Variants in ZSWIM8 observed in about 807,000 individuals in gnomAD.
ZSWIM8 encodes the protein zinc finger SWIM domain-containing protein 8.
Under a neutral mutation model 173.7 loss-of-function variants are expected in ZSWIM8, and 27 were observed. The observed-to-expected ratio is 0.16, with a 90% CI of 0.11 to 0.21. ZSWIM8 has a LOEUF of 0.21. Among genes scored for constraint, ZSWIM8 ranks in the 10% least tolerant of loss-of-function variants. The pLI is 1.00. For missense variants in ZSWIM8, 1,627 were observed against 2,428.8 expected, an observed-to-expected ratio of 0.67 and a Z score of 6.94; for synonymous variants, 958 against 962.0, an observed-to-expected ratio of 1.00 and a Z score of 0.08.
intron 15 of ZSWIM8, chr10:73,796,547 A>G (rs1051830584): frequency 3.9e-5 from 23 of 586,106 alleles, no homozygotes; most frequent in Non-Finnish European, 6.7e-5. Flanking sequence ...ATTGACTATC[A>G]GTATATTCTG....
At position 73,800,704 on chromosome 10, in the gene ZSWIM8, C is replaced by T. The variant is rs759141249; in HGVS notation, c.5067C>T (p.Arg1689=). Reference sequence around the variant, plus strand: ...ACGATCACCCCAACAACTTCTCCCGCTCCCCCCCCTACACTGATGATGTCA... The same window carrying T: ...ACGATCACCCCAACAACTTCTCCCGTTCCCCCCCCTACACTGATGATGTCA... ...AHNDHPNNFS[R]SPPYTDDVKW... The change falls in exon 24 of 26, where the codon CGC becomes CGT. Residue 1689 remains arginine (R), a synonymous_variant. Coordinates refer to ENST00000604729, the MANE Select transcript of ZSWIM8 (RefSeq NM_001367799.1). This position sits in a 1 kb window ranked among gnomAD's most constrained non-coding sequence, Gnocchi z 4.1. 5.0e-6 allele frequency: 8 copies of T among 1,613,662 alleles called. No individual in the cohort carries two copies. The highest frequency in any genetic ancestry group is 1.3e-5 in the African/African-American group (1 of 74,846).
intron 20 of ZSWIM8, among the ~76,000 whole-genome samples, chr10:73,798,687 A>G (rs748078401): frequency 2.6e-5 from 4 of 152,216 alleles, no homozygotes; most frequent in African/African-American, 7.2e-5. Flanking sequence ...ATGGAGGCCT[A>G]CGGTTTAGGG....
chr10:73,791,023 T>C lies in ZSWIM8; in HGVS notation c.990T>C (p.Ala330=), dbSNP rs891566629. 6 of 1,613,550 alleles carry C rather than the reference T, an allele frequency of 3.7e-6. No homozygotes were observed. The highest frequency in any genetic ancestry group is 1.3e-5 in the African/African-American group (1 of 74,938). Reference sequence around the variant, plus strand: ...CTTCCACGGAGCCGCCAGCCGCTGCTGAATGGGCATGTCTGCTGCGCCCTC... The same window carrying C: ...CTTCCACGGAGCCGCCAGCCGCTGCCGAATGGGCATGTCTGCTGCGCCCTC... ...YLSSTEPPAA[A]EWACLLRPLR... is the part of the protein sequence containing the mutation. Residue 330 remains alanine (A), a synonymous_variant, in exon 8 of 26, where the codon GCT becomes GCC. Transcript: ENST00000604729. This position sits in a 1 kb window ranked among gnomAD's most constrained non-coding sequence, Gnocchi z 6.0.
intron 13 of ZSWIM8, 98 bp from the exon 14 acceptor site, chr10:73,794,443 C>T: frequency 1.3e-6 from 2 of 1,546,678 alleles, no homozygotes; most frequent in Non-Finnish European, 1.8e-6. Flanking sequence ...CAGGCAGCTT[C>T]ATGGGTAGGT....
Position 73,790,047 on chromosome 10 carries a change from G to C in ZSWIM8, c.820+10G>C. 6.2e-7 allele frequency: 1 copy of C among 1,610,880 alleles called. No homozygotes were observed. Among genetic ancestry groups the C allele is most frequent in the Non-Finnish European group, 8.5e-7 (1 of 1,178,568 alleles). The stretch of plus-strand genomic sequence containing the variant: ...GTGTGTGGAGCTCCGGGTGAGTGTG[G>C]TGAGAAAGATTGGCAGTAGGAAGAA... On this transcript the variant is annotated intron_variant, in intron 6 of 25. Coordinates refer to ENST00000604729, the MANE Select transcript of ZSWIM8 (RefSeq NM_001367799.1).
In ZSWIM8 at chr10:73,800,449, A is replaced by G; in HGVS notation, c.4979A>G (p.His1660Arg). 1 of 1,613,780 alleles carries G rather than the reference A, an allele frequency of 6.2e-7. No homozygotes were observed. Among genetic ancestry groups the G allele is most frequent in the Non-Finnish European group, 8.5e-7 (1 of 1,179,832 alleles). The change falls in exon 23 of 26, where the codon CAC becomes CGC. Residue 1660 changes from histidine to arginine, a missense_variant. Coordinates refer to ENST00000604729, the MANE Select transcript of ZSWIM8 (RefSeq NM_001367799.1). The surrounding 1 kb of genome is among the most constrained non-coding windows in gnomAD (Gnocchi z 4.1). Reference sequence around the variant, plus strand: ...CCAGTCAATCCCCACAGCCTGCACCACCTGCATGCTGCCTACCGTGTCGGT... The same window carrying G: ...CCAGTCAATCCCCACAGCCTGCACCGCCTGCATGCTGCCTACCGTGTCGGT... ...SQPVNPHSLH[H>R]LHAAYRVGML... is the part of the protein sequence containing the mutation.
chr10:73,789,261 C>G lies in ZSWIM8; in HGVS notation c.457+71C>G. ...CCCTGGCTTATGAAGTAAGAACACA[C>G]CGCAAGAAGCTGGAGCATGTTGTCT... On this transcript the variant is annotated intron_variant, in intron 3 of 25. Transcript: ENST00000604729. The surrounding 1 kb of genome is among the most constrained non-coding windows in gnomAD (Gnocchi z 6.8). 1 of 1,606,352 alleles carries G rather than the reference C, an allele frequency of 6.2e-7. No individual in the cohort carries two copies. Among genetic ancestry groups the G allele is most frequent in the Non-Finnish European group, 8.5e-7 (1 of 1,174,242 alleles).
rs1349403902 is a variant in ZSWIM8 at position 73,797,925 on chromosome 10, A to G, written c.3807A>G (p.Pro1269=). 2 of 1,613,882 alleles carry G rather than the reference A, an allele frequency of 1.2e-6. No homozygotes were observed. The highest frequency in any genetic ancestry group is 2.2e-5 in the East Asian group (1 of 44,870). The part of the protein sequence containing the change: ...GNSSTSIFTH[P]SSSGGHQGPH... ...GCAGCACTTCCATTTTCACACATCCATCTTCCTCAGGGGGCCACCAGGGTC... is the reference window on the plus strand; with the variant it reads ...GCAGCACTTCCATTTTCACACATCCGTCTTCCTCAGGGGGCCACCAGGGTC... Residue 1269 remains proline (P), a synonymous_variant, in exon 19 of 26, where the codon CCA becomes CCG. Transcript: ENST00000604729. This position sits in a 1 kb window ranked among gnomAD's most constrained non-coding sequence, Gnocchi z 5.6.
Position 73,792,035 on chromosome 10 carries a change from G to T in ZSWIM8, c.1496G>T (p.Gly499Val). 2 of 1,548,206 alleles carry T rather than the reference G, an allele frequency of 1.3e-6. No individual in the cohort carries two copies. The highest frequency in any genetic ancestry group is 1.7e-6 in the Non-Finnish European group (2 of 1,144,660). The change falls in exon 10 of 26, where the codon GGC becomes GTC. Residue 499 changes from glycine to valine, a missense_variant. Around this residue, in one of 18 missense-constraint regions of ZSWIM8, gnomAD observed 383 missense variants for 394.8 expected, o/e 0.97. Transcript: ENST00000604729. This position sits in a 1 kb window ranked among gnomAD's most constrained non-coding sequence, Gnocchi z 4.3. Reference protein sequence around the residue: ...AYPLPGVTYSGTDRKLALCWA... With the variant: ...AYPLPGVTYSVTDRKLALCWA... ...CCACTTCCTGGTGTCACCTACAGCG[G>T]CACTGACAGGAAGCTGGCACTGTGC...
In ZSWIM8 at chr10:73,800,891, CGGAGGGTTACCTCAGCTCCTGGGGT is replaced by C. The variant is rs2083924170; in HGVS notation, c.5123-119_5123-95del. 2 of 1,207,136 alleles carry C rather than the reference CGGAGGGTTACCTCAGCTCCTGGGGT, an allele frequency of 1.7e-6. No individual in the cohort carries two copies. Among genetic ancestry groups the C allele is most frequent in the Admixed American group, 2.4e-5 (1 of 42,488 alleles). The allele number at this position is 1,207,136 out of a possible 1,614,324, so 74.8% of individuals were successfully genotyped here. On this transcript the variant is annotated intron_variant, in intron 24 of 25. Coordinates refer to ENST00000604729, the MANE Select transcript of ZSWIM8 (RefSeq NM_001367799.1). This position sits in a 1 kb window ranked among gnomAD's most constrained non-coding sequence, Gnocchi z 4.1. ...CGGGTATGTGTGCGTGCGCGGGGGG[CGGAGGGTTACCTCAGCTCCTGGGGT>C]GGAGGGAGGCTCTCTGCCAGGCCAG...
rs1466688887 is a variant in ZSWIM8, at chr10:73,797,508, A to T, written c.3565A>T (p.Ser1189Cys). The change falls in exon 18 of 26, where the codon AGC becomes TGC. Residue 1189 changes from serine to cysteine, a missense_variant. By Grantham distance (112) the Ser-to-Cys change is moderately radical. Transcript: ENST00000604729. This position sits in a 1 kb window ranked among gnomAD's most constrained non-coding sequence, Gnocchi z 5.6. ...AGGTCAGGACAGTGACAGCATTAGC[A>T]GCTCTTCTTCGGACTCCCTGGGCTC... ...GRGQDSDSIS[S>C]SSSDSLGSSS... The T allele has an allele frequency of 6.2e-7, 1 of 1,613,848 alleles. No homozygotes were observed. The highest frequency in any genetic ancestry group is 8.5e-7 in the Non-Finnish European group (1 of 1,179,882).
In ZSWIM8 at chr10:73,797,319, T is replaced by C. The variant is rs766411526; in HGVS notation, c.3433+48T>C. On this transcript the variant is annotated intron_variant, in intron 17 of 25. Coordinates refer to ENST00000604729, the MANE Select transcript of ZSWIM8 (RefSeq NM_001367799.1). The surrounding 1 kb of genome is among the most constrained non-coding windows in gnomAD (Gnocchi z 5.6). ...ATAGAGGGAAGGATAATCCTGAAGG[T>C]TGGAGTCTTAACATCTGGGACTCCT... The C allele has an allele frequency of 1.9e-6, 3 of 1,613,076 alleles. No homozygotes were observed. Among genetic ancestry groups the C allele is most frequent in the East Asian group, 4.5e-5 (2 of 44,862 alleles).
intron 15 of ZSWIM8, among the ~76,000 whole-genome samples, chr10:73,796,141 T>C (rs2083641458): frequency 6.6e-6 from 1 of 151,396 alleles, no homozygotes. Context: ...GGCGGGAGGA[T>C]CGTTTGAGAC....
rs1399621461 is a variant in ZSWIM8 at position 73,801,389 on chromosome 10, G to A, written c.5375G>A (p.Arg1792His). 7.4e-6 allele frequency: 12 copies of A among 1,613,864 alleles called. No individual in the cohort carries two copies. Among genetic ancestry groups the A allele is most frequent in the African/African-American group, 1.3e-5 (1 of 74,918 alleles). ...DDFVNAIRSA[R>H]SAFCLTPMGM... is the part of the protein sequence containing the mutation. Reference sequence around the variant, plus strand: ...TTTGTGAATGCGATCCGGAGTGCCCGCAGCGCCTTCTGCCTGACGCCCATG... The same window carrying A: ...TTTGTGAATGCGATCCGGAGTGCCCACAGCGCCTTCTGCCTGACGCCCATG... Residue 1792 changes from arginine (R) to histidine (H), a missense_variant, in exon 26 of 26, where the codon CGC (arginine) becomes CAC (histidine). This residue lies in a region of ZSWIM8 where 122 missense variants were observed against 196.1 expected (regional missense o/e 0.62). Coordinates refer to ENST00000604729, the MANE Select transcript of ZSWIM8 (RefSeq NM_001367799.1). The surrounding 1 kb of genome is among the most constrained non-coding windows in gnomAD (Gnocchi z 4.9).
Position 73,800,850 on chromosome 10 carries a change from G to C in ZSWIM8, c.5122+91G>C. ...AGACCTCCTTCCTAGCTCTTGCTCA[G>C]AGTTGAGGCCTTGGTCGGGTATGTG... On this transcript the variant is annotated intron_variant, in intron 24 of 25. Coordinates refer to ENST00000604729, the MANE Select transcript of ZSWIM8 (RefSeq NM_001367799.1). The surrounding 1 kb of genome is among the most constrained non-coding windows in gnomAD (Gnocchi z 4.1). 1 of 1,211,052 alleles carries C rather than the reference G, an allele frequency of 8.3e-7. No homozygotes were observed. Among genetic ancestry groups the C allele is most frequent in the Non-Finnish European group, 1.2e-6 (1 of 861,552 alleles). The allele number at this position is 1,211,052 out of a possible 1,614,324, so 75.0% of individuals were successfully genotyped here. A position where few individuals can be genotyped will look rare whatever the true frequency, so the allele number is the denominator to read the frequency against.
chr10:73,801,730 G>A lies in ZSWIM8; in HGVS notation c.*211G>A, dbSNP rs1289796805. ...GGGGAGACAGCCCTGTCTGGGAGGGGGCGTTGGGTGGCCTCTGGTATTTAT... is the reference window on the plus strand; with the variant it reads ...GGGGAGACAGCCCTGTCTGGGAGGGAGCGTTGGGTGGCCTCTGGTATTTAT... On this transcript the variant is annotated 3_prime_UTR_variant, in exon 26 of 26. Transcript: ENST00000604729. This position sits in a 1 kb window ranked among gnomAD's most constrained non-coding sequence, Gnocchi z 4.9. The A allele has an allele frequency of 3.9e-6, 6 of 1,528,658 alleles. No homozygotes were observed. The highest frequency in any genetic ancestry group is 5.2e-6 in the Non-Finnish European group (6 of 1,143,434). 94.7% of individuals were successfully genotyped at this position (1,528,658 alleles called of 1,614,324 possible).
At chr10:73,788,579 C>T in intron 1 of ZSWIM8, 91 bp from the exon 2 acceptor site, 1 of 1,473,928 alleles carries the variant, frequency 6.8e-7, no homozygotes, top group Non-Finnish European at 9.2e-7. Flanking sequence ...AAGATGAGGC[C>T]CAGGATGTTG....
At chr10:73,798,112 T>C (rs2083750496) in intron 19 of ZSWIM8, 42 bp downstream of exon 19, 18 of 1,604,948 alleles carry the variant, frequency 1.1e-5, no homozygotes, top group East Asian at 4.5e-5. Flanking sequence ...GGGGGATTAA[T>C]TGGTGGGGAT....
rs1476454962 is a variant in ZSWIM8, at chr10:73,791,298, C to T, written c.1144-26C>T. ...CTGCCTTTCTCTGAGCTCTCAGGTG[C>T]AGCTCACAGCCTTCTTTGTCTCCAG... is the stretch of plus-strand genomic sequence containing the variant. On this transcript the variant is annotated intron_variant, in intron 8 of 25. Coordinates refer to ENST00000604729, the MANE Select transcript of ZSWIM8 (RefSeq NM_001367799.1). This position sits in a 1 kb window ranked among gnomAD's most constrained non-coding sequence, Gnocchi z 6.0. 3.1e-6 allele frequency: 5 copies of T among 1,588,978 alleles called. No homozygotes were observed. Among genetic ancestry groups the T allele is most frequent in the Non-Finnish European group, 2.6e-6 (3 of 1,161,342 alleles).
Sources: allele counts gnomAD v4.1 joint callset (sites outside exome capture counted in the v4.1 genomes callset), GRCh38; gene constraint gnomAD v4.1.1; regional missense constraint gnomAD v4.1.1; non-coding constraint Gnocchi (gnomAD v3.1); transcripts MANE v1.5; gene names NCBI Gene and HGNC (gene_info 2026-07-23, HGNC 2026-07-21).